RBFOX1: variants seen among roughly 807,000 people sequenced by gnomAD.
RBFOX1 encodes the protein RNA binding protein fox-1 homolog 1.
Under a neutral mutation model 57.7 loss-of-function variants are expected in RBFOX1, and 8 were observed. The observed-to-expected ratio is 0.14, with a 90% CI of 0.08 to 0.25. RBFOX1 has a LOEUF of 0.25. Ranked by LOEUF, RBFOX1 falls within the 10% of genes least tolerant of loss-of-function variation. The pLI is 1.00. For missense variants in RBFOX1, 611 were observed against 548.5 expected, an observed-to-expected ratio of 1.11 and a Z score of -1.14; for synonymous variants, 326 against 222.4, an observed-to-expected ratio of 1.47 and a Z score of -4.15.
At chr16:6,782,771 T>C (rs1240146702) in intron 3 of RBFOX1, among the ~76,000 whole-genome samples, 17 of 152,176 alleles carry the variant, frequency 1.1e-4, no homozygotes, top group Admixed American at 9.8e-4. Context: ...TTAAGTCAGA[T>C]GTGTCTTTGT....
chr16:6,561,375 T>C (rs1443597507), intron 2 of RBFOX1, among the ~76,000 whole-genome samples: 1 of 152,220 alleles, frequency 6.6e-6, no homozygotes, highest in African/African-American at 2.4e-5. Flanking sequence ...AGTAGAACTG[T>C]TACAGTCTAG....
At chr16:6,275,771 A>G (rs1165251762) in intron 1 of RBFOX1, among the ~76,000 whole-genome samples, 1 of 152,232 alleles carries the variant, frequency 6.6e-6, no homozygotes. Flanking sequence ...GAAATAGAAG[A>G]AAGTGATTAT....
intron 4 of RBFOX1, among the ~76,000 whole-genome samples, chr16:7,225,919 T>TATATATATATATATAAAA (rs1315130232): frequency 7.0e-6 from 1 of 142,146 alleles, no homozygotes; most frequent in African/African-American, 2.7e-5. Flanking sequence ...TATATATATA[T>TATATATATATATATAAAA]AAATGTGAAT....
intron 4 of RBFOX1, among the ~76,000 whole-genome samples, chr16:7,309,504 G>A (rs1043969038): frequency 5.6e-4 from 86 of 152,320 alleles, no homozygotes; most frequent in African/African-American, 2.0e-3. Context: ...GCAACTGGCC[G>A]CTCCTGCCTT....
intron 3 of RBFOX1, among the ~76,000 whole-genome samples, chr16:7,034,592 G>C (rs1371513068): frequency 1.3e-5 from 2 of 151,998 alleles, no homozygotes; most frequent in Non-Finnish European, 2.9e-5. Context: ...GAAATATCCA[G>C]AGAAGATCCC....
intron 2 of RBFOX1, among the ~76,000 whole-genome samples, chr16:6,501,451 C>G (rs1371854218): frequency 6.6e-6 from 1 of 151,884 alleles, no homozygotes; most frequent in Non-Finnish European, 1.5e-5. Context: ...TCGTCCATGT[C>G]CCTACAAAGG....
At chr16:5,673,084 C>T (rs1025224997) in intron 3 of RBFOX1, among the ~76,000 whole-genome samples, 7 of 152,038 alleles carry the variant, frequency 4.6e-5, no homozygotes, top group African/African-American at 9.7e-5. Flanking sequence ...GTATGTCTAG[C>T]GGCATCTCTG....
chr16:7,032,365 A>G (rs190322672), intron 3 of RBFOX1, among the ~76,000 whole-genome samples: 1 of 152,088 alleles, frequency 6.6e-6, no homozygotes, highest in Non-Finnish European at 1.5e-5. Flanking sequence ...GAATTGCTTG[A>G]ACCCAGGAGG....
chr16:7,593,739 C>T (rs1209073707), intron 7 of RBFOX1, among the ~76,000 whole-genome samples: 1 of 151,788 alleles, frequency 6.6e-6, no homozygotes, highest in South Asian at 2.1e-4. Context: ...TGATTTTCTT[C>T]TATACTCACA....
chr16:6,774,311 G>A (rs2078963065), intron 3 of RBFOX1, among the ~76,000 whole-genome samples: 1 of 152,086 alleles, frequency 6.6e-6, no homozygotes, highest in African/African-American at 2.4e-5. Context: ...GCCCCTCCAG[G>A]AAAGTATCAG....
intron 2 of RBFOX1, among the ~76,000 whole-genome samples, chr16:5,515,630 T>C (rs551568475): frequency 6.6e-6 from 1 of 152,338 alleles, no homozygotes; most frequent in South Asian, 2.1e-4. Context: ...TTGGGTACGG[T>C]TGAAGTAGTC....
intron 4 of RBFOX1, among the ~76,000 whole-genome samples, chr16:7,231,084 C>G (rs78046553): frequency 0.014 from 2,096 of 152,206 alleles, 50 homozygotes; most frequent in African/African-American, 0.049. Context: ...CAGAATCTAC[C>G]TCTCCAGAAT....
chr16:6,927,183 G>A (rs1225265396), intron 3 of RBFOX1, among the ~76,000 whole-genome samples: 2 of 151,788 alleles, frequency 1.3e-5, no homozygotes, highest in African/African-American at 4.8e-5. Context: ...GGTCTGGGTG[G>A]GGCTCAGGGA....
intron 4 of RBFOX1, among the ~76,000 whole-genome samples, chr16:7,221,319 C>G (rs2092708672): frequency 6.7e-6 from 1 of 149,870 alleles, no homozygotes; most frequent in Non-Finnish European, 1.5e-5. Context: ...TAACTTTTGA[C>G]TTGTTTATTC....
chr16:5,319,514 C>T (rs1005366065), intron 1 of RBFOX1, among the ~76,000 whole-genome samples: 1 of 152,170 alleles, frequency 6.6e-6, no homozygotes, highest in Non-Finnish European at 1.5e-5. Context: ...GGAGCCATCT[C>T]CAAGAATCCT....
intron 3 of RBFOX1, among the ~76,000 whole-genome samples, chr16:7,001,569 A>G (rs1397834524): frequency 1.3e-5 from 2 of 151,974 alleles, no homozygotes; most frequent in Non-Finnish European, 2.9e-5. Flanking sequence ...TGATGCTCCT[A>G]CATCAGCCTC....
chr16:7,154,069 A>C lies in RBFOX1; in HGVS notation c.27+101971A>C, dbSNP rs186910113. 1.6e-3 allele frequency among the ~76,000 whole-genome samples: 249 copies of C among 152,298 alleles called. 1 individual carries two copies. The highest frequency in any genetic ancestry group is 5.7e-3 in the African/African-American group (238 of 41,562). The stretch of plus-strand genomic sequence containing the variant: ...TATTTAGCAACAGATTTGCTTAAAT[A>C]ATGGGCTAGAACTTACAGGGGAATA... On this transcript the variant is annotated intron_variant, in intron 4 of 15. Coordinates refer to ENST00000550418, the MANE Select transcript of RBFOX1 (RefSeq NM_018723.4).
intron 1 of RBFOX1, among the ~76,000 whole-genome samples, chr16:5,416,774 C>G (rs1323252438): frequency 6.6e-6 from 1 of 151,982 alleles, no homozygotes; most frequent in Non-Finnish European, 1.5e-5. Flanking sequence ...CTCATTCATG[C>G]AGATAGGAAC....
intron 2 of RBFOX1, among the ~76,000 whole-genome samples, chr16:6,340,209 A>C (rs2084352501): frequency 6.6e-6 from 1 of 152,124 alleles, no homozygotes. Flanking sequence ...ATGGGTGCTA[A>C]GGGGTCACGA....
Sources: allele counts gnomAD v4.1 joint callset (sites outside exome capture counted in the v4.1 genomes callset), GRCh38; gene constraint gnomAD v4.1.1; transcripts MANE v1.5; gene names NCBI Gene and HGNC (gene_info 2026-07-23, HGNC 2026-07-21).